Variants in IRAK1BP1 observed in about 807,000 individuals in gnomAD.
IRAK1BP1 encodes interleukin 1 receptor associated kinase 1 binding protein 1.
A neutral mutation model predicts 28.0 loss-of-function variants in IRAK1BP1; 24 were observed. That is an observed-to-expected ratio of 0.86 (90% CI 0.62 to 1.20). IRAK1BP1 has a LOEUF of 1.20. IRAK1BP1 is among the 50% of genes most tolerant of loss of function. IRAK1BP1 has a pLI of 0.00. For synonymous variants in IRAK1BP1, 131 were observed against 116.3 expected (o/e 1.13, Z -0.81); for missense variants, 336 against 316.7 (o/e 1.06, Z -0.46).
At chr6:78,957,048 A>G in the IRAK1BP1 span, 1 of 152,090 alleles carries the variant, frequency 6.6e-6, no homozygotes, top group Non-Finnish European at 1.5e-5. Context: ...GTATTTTTAA[A>G]CAAACTATAC....
chr6:78,912,643 G>T (rs902747104), intron 4 of IRAK1BP1, among the ~76,000 whole-genome samples: 2 of 152,128 alleles, frequency 1.3e-5, no homozygotes, highest in African/African-American at 4.8e-5. Context: ...ATAGCAAAAG[G>T]TGGAAACAAC....
chr6:78,897,759 C>G, intron 2 of IRAK1BP1, 70 bp from the exon 3 acceptor site: 1 of 1,383,948 alleles, frequency 7.2e-7, no homozygotes, highest in Non-Finnish European at 9.8e-7. Flanking sequence ...ACTTTTTTTA[C>G]TTACATGTAG....
intron 1 of IRAK1BP1, among the ~76,000 whole-genome samples, chr6:78,870,147 G>C (rs1047086686): frequency 1.6e-5 from 2 of 128,446 alleles, no homozygotes; most frequent in African/African-American, 5.8e-5. Context: ...AAAAGATGGA[G>C]CCTGACTATC....
At chr6:78,951,481 T>C in the IRAK1BP1 span, among the ~76,000 whole-genome samples, 1 of 152,210 alleles carries the variant, frequency 6.6e-6, no homozygotes, top group East Asian at 1.9e-4. Context: ...CTGCCTTAAA[T>C]ATTCCACTAA....
At chr6:78,893,314 G>GTATGTATATATA (rs1771742250) in intron 2 of IRAK1BP1, among the ~76,000 whole-genome samples, 2 of 103,432 alleles carry the variant, frequency 1.9e-5, no homozygotes, top group African/African-American at 6.8e-5. Context: ...GTGTGTGTGT[G>GTATGTATATATA]TATATATATA....
chr6:78,903,210 T>C (rs976763582), downstream of IRAK1BP1: 66 of 620,930 alleles, frequency 1.1e-4, no homozygotes, highest in Middle Eastern at 7.8e-4. Flanking sequence ...AGGCCAGGCA[T>C]GGTGGCTCAC....
At chr6:78,871,157 G>T (rs1770779724) in intron 1 of IRAK1BP1, 1 of 533,020 alleles carries the variant, frequency 1.9e-6, no homozygotes, top group Non-Finnish European at 2.4e-6. Flanking sequence ...AGTAGATTTG[G>T]TATATAGTGA....
At chr6:78,914,819 T>C (rs574919911) in intron 4 of IRAK1BP1, among the ~76,000 whole-genome samples, 2 of 152,174 alleles carry the variant, frequency 1.3e-5, no homozygotes, top group African/African-American at 4.8e-5. Flanking sequence ...TGTTTTGTTT[T>C]TATTTTGTTT....
intron 4 of IRAK1BP1, among the ~76,000 whole-genome samples, chr6:78,931,553 A>G (rs1773045164): frequency 1.3e-5 from 2 of 152,170 alleles, no homozygotes; most frequent in South Asian, 4.1e-4. Context: ...AAATATAACA[A>G]ATATTGCAAT....
rs138200273 is a variant in IRAK1BP1, at chr6:78,869,228, A to G, written c.315+1337A>G. Among the ~76,000 whole-genome samples the G allele has an allele frequency of 6.4e-4, 98 of 152,368 alleles. 1 individual carries two copies. In the South Asian group the frequency reaches 8.1e-3, roughly 13 times the overall value. ...AGAGCTCACAGGTCTCTAATATATA[A>G]AACAACATAAGCTGGGCATGGTGGC... On this transcript the variant is annotated intron_variant, in intron 1 of 3. Coordinates refer to ENST00000369940, the MANE Select transcript of IRAK1BP1 (RefSeq NM_001010844.4).
chr6:78,965,306 T>TA, the IRAK1BP1 span, among the ~76,000 whole-genome samples: 2 of 152,012 alleles, frequency 1.3e-5, no homozygotes, highest in African/African-American at 2.4e-5. Context: ...CAAGATCACA[T>TA]AAAAAATGAC....
the IRAK1BP1 span, chr6:78,966,130 C>CT: frequency 1.2e-3 from 1,044 of 878,014 alleles, 18 homozygotes; most frequent in South Asian, 0.014. Context: ...TAACGTTAAC[C>CT]TTTAAGTACC....
At chr6:78,878,712 G>T (rs1449046720) in intron 1 of IRAK1BP1, among the ~76,000 whole-genome samples, 1 of 152,160 alleles carries the variant, frequency 6.6e-6, no homozygotes, top group Non-Finnish European at 1.5e-5. Context: ...CGACCTAAAA[G>T]AGGATGTTCA....
chr6:78,950,558 T>C (rs1774085824), downstream of IRAK1BP1, among the ~76,000 whole-genome samples: 1 of 152,124 alleles, frequency 6.6e-6, no homozygotes, highest in African/African-American at 2.4e-5. Flanking sequence ...ACTGGGTGAG[T>C]TGTGGTAGTT....
intron 4 of IRAK1BP1, among the ~76,000 whole-genome samples, chr6:78,932,557 G>A (rs1773086999): frequency 6.6e-6 from 1 of 151,740 alleles, no homozygotes; most frequent in South Asian, 2.1e-4. Flanking sequence ...GAGTAGCTGG[G>A]ATTACAGGCA....
At position 78,935,406 on chromosome 6, in the gene IRAK1BP1, CAAAATTTCTAGG is replaced by C; in HGVS notation, c.*68-9997_*68-9986del. On this transcript the variant is annotated intron_variant and NMD_transcript_variant, in intron 4 of 4. Transcript: ENST00000606868. ...TCAATAAAAATGCATGCCAATCTGA[CAAAATTTCTAGG>C]AAAACTGCAATAACCTTCTTTCCAT... The C allele has an allele frequency of 5.6e-6, 4 of 718,962 alleles. No individual in the cohort carries two copies. The South Asian group carries it at 2.5e-4, about 45-fold the overall frequency. The allele number at this position is 718,962 out of a possible 1,614,324, so 44.5% of individuals were successfully genotyped here.
At chr6:78,868,103 C>T (rs1215446116) in intron 1 of IRAK1BP1, among the ~76,000 whole-genome samples, 2 of 152,154 alleles carry the variant, frequency 1.3e-5, no homozygotes, top group Non-Finnish European at 2.9e-5. Context: ...TTATTGGCCT[C>T]AGGCAAATTA....
rs182197703 is a variant in IRAK1BP1 at position 78,922,681 on chromosome 6, G to A, written c.*67+19571G>A. On this transcript the variant is annotated intron_variant and NMD_transcript_variant, in intron 4 of 4. Coordinates refer to the IRAK1BP1 transcript ENST00000606868. ...TTAAGGGCAGCCAGAGAGAAAGGTC[G>A]GGTTACCTTCAAAGGGAAGCCCATC... is the stretch of plus-strand genomic sequence containing the variant. 4.4e-3 allele frequency among the ~76,000 whole-genome samples: 663 copies of A among 152,236 alleles called. 1 individual carries two copies. The highest frequency in any genetic ancestry group is 0.013 in the South Asian group (65 of 4,818).
intron 4 of IRAK1BP1, among the ~76,000 whole-genome samples, chr6:78,914,216 GTGTT>G (rs1430151315): frequency 6.6e-6 from 1 of 152,070 alleles, no homozygotes; most frequent in Non-Finnish European, 1.5e-5. Context: ...GAGAAAAAGA[GTGTT>G]TGTTAACTTG....
Sources: gnomAD v4.1 joint callset for allele counts (sites outside exome capture counted in the v4.1 genomes callset) on GRCh38, gnomAD v4.1.1 for gene constraint, MANE v1.5 for transcripts, NCBI Gene and HGNC (gene_info 2026-07-23, HGNC 2026-07-21) for gene names.